Variants in NRG3 observed in about 807,000 individuals in gnomAD.
NRG3 encodes the protein pro-neuregulin-3, membrane-bound isoform.
Under a neutral mutation model 66.9 loss-of-function variants are expected in NRG3, and 31 were observed. The ratio of observed to expected loss-of-function variants is 0.46; its 90% confidence interval spans 0.35 to 0.63. The LOEUF (loss-of-function observed/expected upper bound fraction) is 0.63, where lower values mean the gene tolerates loss of function less well. Ranked by LOEUF, NRG3 falls within the 20% of genes least tolerant of loss-of-function variation. The pLI, the probability that NRG3 is intolerant of heterozygous loss-of-function variation, is 0.00. For missense variants in NRG3, 910 were observed against 878.9 expected (o/e 1.04, Z -0.45); for synonymous variants, 393 against 359.4 (o/e 1.09, Z -1.06).
intron 2 of NRG3, among the ~76,000 whole-genome samples, chr10:82,550,868 T>C (rs2044261833): frequency 6.6e-6 from 1 of 152,148 alleles, no homozygotes; most frequent in East Asian, 1.9e-4. Context: ...TCTTCACTCA[T>C]ATGCTGCAGA....
At chr10:82,402,157 A>G (rs1482136849) in intron 2 of NRG3, among the ~76,000 whole-genome samples, 1 of 152,114 alleles carries the variant, frequency 6.6e-6, no homozygotes, top group East Asian at 1.9e-4. Flanking sequence ...TGTTATCATA[A>G]GAGGCATATC....
At chr10:81,958,243 G>A (rs1276190445) in intron 1 of NRG3, among the ~76,000 whole-genome samples, 2 of 152,168 alleles carry the variant, frequency 1.3e-5, no homozygotes, top group East Asian at 3.9e-4. Context: ...GTGGTTGGAG[G>A]TATGTAGATG....
At chr10:82,877,634 G>T (rs138860632) in intron 4 of NRG3, among the ~76,000 whole-genome samples, 2 of 147,136 alleles carry the variant, frequency 1.4e-5, no homozygotes, top group South Asian at 2.1e-4. Context: ...GGTGATCCAC[G>T]TGCCTCAGCC....
intron 1 of NRG3, among the ~76,000 whole-genome samples, chr10:82,345,157 G>C (rs1160272342): frequency 7.0e-6 from 1 of 142,502 alleles, no homozygotes; most frequent in Non-Finnish European, 1.5e-5. Flanking sequence ...GTCCTGAATG[G>C]TAATGCCTAG....
chr10:82,774,808 C>CTTTTTTT (rs1565301351), intron 3 of NRG3, among the ~76,000 whole-genome samples: 1 of 128,036 alleles, frequency 7.8e-6, no homozygotes, highest in African/African-American at 3.2e-5. Context: ...TTTTATTTTC[C>CTTTTTTT]TTTTTCTTTT....
chr10:82,504,465 G>T (rs1166985848), intron 2 of NRG3, among the ~76,000 whole-genome samples: 3 of 152,120 alleles, frequency 2.0e-5, no homozygotes, highest in Admixed American at 6.5e-5. Flanking sequence ...GGATGGTAAG[G>T]CATGATAATG....
At chr10:82,160,202 C>T (rs1191034587) in intron 1 of NRG3, among the ~76,000 whole-genome samples, 1 of 151,896 alleles carries the variant, frequency 6.6e-6, no homozygotes, top group African/African-American at 2.4e-5. Flanking sequence ...ATCTAAATAT[C>T]TTATTTTCAG....
At chr10:82,550,488 A>C (rs1046645834) in intron 2 of NRG3, among the ~76,000 whole-genome samples, 1 of 152,060 alleles carries the variant, frequency 6.6e-6, no homozygotes, top group Admixed American at 6.6e-5. Flanking sequence ...CATTAAATCC[A>C]GTGGCTTTGC....
At position 82,691,139 on chromosome 10, in the gene NRG3, C is replaced by G. The variant is rs528998234; in HGVS notation, c.954-47438C>G. Reference sequence around the variant, plus strand: ...ATGATTATCTCAACCTTAAGAAAAACAGCTGGATTCTAGAAAACCCTCAAA... The same window carrying G: ...ATGATTATCTCAACCTTAAGAAAAAGAGCTGGATTCTAGAAAACCCTCAAA... On this transcript the variant is annotated intron_variant, in intron 2 of 8. Coordinates refer to ENST00000372141, the MANE Select transcript of NRG3 (RefSeq NM_001010848.4). 5.9e-5 allele frequency among the ~76,000 whole-genome samples: 9 copies of G among 152,232 alleles called. No homozygotes were observed. In the East Asian group the frequency reaches 1.7e-3, roughly 29 times the overall value.
chr10:82,329,988 G>A (rs535974380), intron 1 of NRG3, among the ~76,000 whole-genome samples: 27 of 152,244 alleles, frequency 1.8e-4, no homozygotes, highest in African/African-American at 6.3e-4. Context: ...GAATTTCTTA[G>A]TGTGCATTGA....
At chr10:82,363,642 A>G (rs2084332863) in intron 2 of NRG3, among the ~76,000 whole-genome samples, 2 of 151,878 alleles carry the variant, frequency 1.3e-5, no homozygotes, top group African/African-American at 4.8e-5. Flanking sequence ...GTTTTTTAGT[A>G]GAGACGGGGT....
At chr10:82,156,885 A>G (rs1341260407) in intron 1 of NRG3, among the ~76,000 whole-genome samples, 2 of 151,658 alleles carry the variant, frequency 1.3e-5, no homozygotes, top group Non-Finnish European at 3.0e-5. Flanking sequence ...ATAAGAAGAA[A>G]CTATTTAAAA....
rs535973676 is a variant in NRG3 at position 82,980,692 on chromosome 10, A to G, written c.1583+1572A>G. The stretch of plus-strand genomic sequence containing the variant: ...GATAGGAAATAAATGGCCGGTGGCT[A>G]GGTTTTATAATTTTGAAGCAATTCC... On this transcript the variant is annotated intron_variant, in intron 8 of 8. Transcript: ENST00000372141. 7.9e-5 allele frequency among the ~76,000 whole-genome samples: 12 copies of G among 152,342 alleles called. No individual in the cohort carries two copies. The East Asian group carries it at 1.4e-3, about 17-fold the overall frequency.
At chr10:82,942,223 A>G (rs1381413563) in intron 4 of NRG3, among the ~76,000 whole-genome samples, 3 of 152,216 alleles carry the variant, frequency 2.0e-5, no homozygotes, top group Non-Finnish European at 4.4e-5. Flanking sequence ...GTAGGAGATC[A>G]TGCTGTATCA....
intron 2 of NRG3, among the ~76,000 whole-genome samples, chr10:82,547,151 TAA>T (rs1316109579): frequency 4.6e-5 from 7 of 152,134 alleles, no homozygotes; most frequent in Non-Finnish European, 1.0e-4. Context: ...CAATTAAACC[TAA>T]GTTTTATTAA....
intron 4 of NRG3, among the ~76,000 whole-genome samples, chr10:82,930,988 G>A (rs144154576): frequency 7.5e-4 from 114 of 152,296 alleles, no homozygotes; most frequent in Admixed American, 1.8e-3. Context: ...AGTGACAGCA[G>A]GATGCACTGA....
intron 1 of NRG3, among the ~76,000 whole-genome samples, chr10:82,266,402 G>A (rs2078297524): frequency 6.6e-6 from 1 of 152,162 alleles, no homozygotes; most frequent in Non-Finnish European, 1.5e-5. Flanking sequence ...ACAGCGTGCA[G>A]AGTCCAGTGG....
intron 1 of NRG3, among the ~76,000 whole-genome samples, chr10:81,954,751 T>C (rs749103844): frequency 2.0e-5 from 3 of 152,094 alleles, no homozygotes; most frequent in Non-Finnish European, 2.9e-5. Context: ...GACAGGTTGT[T>C]AAAAATCAAC....
intron 2 of NRG3, among the ~76,000 whole-genome samples, chr10:82,408,137 AAGAAAG>A (rs2087759733): frequency 2.0e-5 from 3 of 150,898 alleles, no homozygotes; most frequent in Non-Finnish European, 3.0e-5. Context: ...GAAAGAAAGA[AAGAAAG>A]AAAAGAAAAA....
Sources: gnomAD v4.1 joint callset for allele counts (sites outside exome capture counted in the v4.1 genomes callset) on GRCh38, gnomAD v4.1.1 for gene constraint, MANE v1.5 for transcripts, NCBI Gene and HGNC (gene_info 2026-07-23, HGNC 2026-07-21) for gene names.